The following PCDH15 variants were observed in gnomAD, a reference collection of about 807,000 sequenced individuals.
PCDH15 encodes the protein protocadherin related 15.
In PCDH15, 129 loss-of-function variants were observed where a neutral mutation model predicts 178.5. The observed-to-expected ratio is 0.72, with a 90% CI of 0.63 to 0.84. The LOEUF is 0.84. Ranked by LOEUF, PCDH15 falls within the 40% of genes least tolerant of loss-of-function variation. The pLI, the probability that PCDH15 is intolerant of heterozygous loss-of-function variation, is 0.00. For synonymous variants in PCDH15, 800 were observed against 732.0 expected (o/e 1.09, Z -1.50); for missense variants, 2,230 against 2,099.9 (o/e 1.06, Z -1.21).
chr10:53,809,089 T>C, intron 37 of PCDH15: 1 of 1,613,910 alleles, frequency 6.2e-7, no homozygotes, highest in Non-Finnish European at 8.5e-7. Flanking sequence ...TTTCCTTGCT[T>C]TTTCTCCTTC....
In PCDH15 at chr10:54,346,413, T is replaced by A; in HGVS notation, c.546A>T (p.Gly182=). 1 of 1,613,632 alleles carries A rather than the reference T, an allele frequency of 6.2e-7. No individual in the cohort carries two copies. Among genetic ancestry groups the A allele is most frequent in the Middle Eastern group, 1.7e-4 (1 of 6,060 alleles). ...TAACATACTCTATCTGTCCATTTGGTCCATCATCTATATCTGTAGCTCCAT... is the reference window on the plus strand; with the variant it reads ...TAACATACTCTATCTGTCCATTTGGACCATCATCTATATCTGTAGCTCCAT... ...GDNGATDIDD[G]PNGQIEYVIQ... The change falls in exon 6 of 38, where the codon GGA becomes GGT. Residue 182 remains glycine (G), a synonymous_variant. Coordinates refer to ENST00000644397, the MANE Select transcript of PCDH15 (RefSeq NM_001384140.1).
intron 3 of PCDH15, among the ~76,000 whole-genome samples, chr10:54,874,395 C>T (rs1430247209): frequency 6.7e-6 from 1 of 149,256 alleles, no homozygotes. Context: ...GGGTTGGTTC[C>T]AAGTCTTTGC....
chr10:54,670,874 A>AT lies in PCDH15; in HGVS notation c.-28-6585dup, dbSNP rs1354845621. Among the ~76,000 whole-genome samples the AT allele has an allele frequency of 3.9e-5, 6 of 152,230 alleles. No homozygotes were observed. The South Asian group carries it at 8.3e-4, about 21-fold the overall frequency. ...CTATTGAGCATGCACTACATTTCATATTTTTTTACCTAATATACATTTCAA... is the reference window on the plus strand; with the variant it reads ...CTATTGAGCATGCACTACATTTCATATTTTTTTTACCTAATATACATTTCAA... On this transcript the variant is annotated intron_variant, in intron 1 of 37. Transcript: ENST00000644397.
At chr10:54,837,837 C>T (rs984730856) in intron 3 of PCDH15, among the ~76,000 whole-genome samples, 4 of 152,092 alleles carry the variant, frequency 2.6e-5, no homozygotes, top group South Asian at 2.1e-4. Context: ...GAAAGCAAGT[C>T]GATACCCTGG....
At position 53,995,718 on chromosome 10, in the gene PCDH15, C is replaced by T. The variant is rs139853291; in HGVS notation, c.2799G>A (p.Gly933=). ...PPVFSKRIYK[G]MVAPDAVKGT... The stretch of plus-strand genomic sequence containing the variant: ...CCTTGACTGCATCCGGAGCCACCAT[C>T]CCTTTGTATATTCGTTTACTAAAGA... Residue 933 remains glycine (G), a synonymous_variant, in exon 21 of 38, where the codon GGG becomes GGA. Coordinates refer to ENST00000644397, the MANE Select transcript of PCDH15 (RefSeq NM_001384140.1). The T allele has an allele frequency of 1.9e-6, 3 of 1,613,752 alleles. No individual in the cohort carries two copies. Among genetic ancestry groups the T allele is most frequent in the African/African-American group, 1.3e-5 (1 of 74,918 alleles).
chr10:54,067,867 A>G (rs545390183), intron 17 of PCDH15, among the ~76,000 whole-genome samples: 14 of 152,358 alleles, frequency 9.2e-5, no homozygotes, highest in African/African-American at 3.1e-4. Context: ...AGTGATTTGT[A>G]GTGAGAGGCT....
At chr10:54,502,485 C>T (rs180831668) in intron 3 of PCDH15, among the ~76,000 whole-genome samples, 73 of 152,144 alleles carry the variant, frequency 4.8e-4, no homozygotes, top group Admixed American at 1.7e-3. Context: ...AACTTACTTA[C>T]GCATCTTTTT....
chr10:55,544,937 A>G lies in PCDH15; in HGVS notation c.-156+82688T>C, dbSNP rs78286445. ...AAGTATAAGGCAGATCTCACAGCAC[A>G]TGCATCAACAAACCTTGGAACCAGA... On this transcript the variant is annotated intron_variant, in intron 2 of 5. Transcript: ENST00000613346. 4.8e-3 allele frequency among the ~76,000 whole-genome samples: 726 copies of G among 152,280 alleles called. 6 individuals are homozygous for G. The highest frequency in any genetic ancestry group is 0.017 in the African/African-American group (690 of 41,574).
chr10:55,482,286 C>T (rs1452234531), intron 2 of PCDH15, among the ~76,000 whole-genome samples: 1 of 151,794 alleles, frequency 6.6e-6, no homozygotes, highest in African/African-American at 2.4e-5. Context: ...TCCAGATTGC[C>T]ACTCTGTGTC....
intron 21 of PCDH15, among the ~76,000 whole-genome samples, chr10:53,985,162 C>T (rs1007194802): frequency 2.0e-5 from 3 of 152,014 alleles, no homozygotes; most frequent in African/African-American, 7.3e-5. Context: ...GTGTTGTTTA[C>T]TAAGAATTGT....
At chr10:54,668,468 C>G (rs1339383216) in intron 1 of PCDH15, among the ~76,000 whole-genome samples, 1 of 152,084 alleles carries the variant, frequency 6.6e-6, no homozygotes, top group African/African-American at 2.4e-5. Flanking sequence ...TTCCGACAAC[C>G]CTGACAGCAT....
chr10:54,740,176 A>T (rs1387013309), intron 1 of PCDH15, among the ~76,000 whole-genome samples: 4 of 152,046 alleles, frequency 2.6e-5, no homozygotes, highest in Non-Finnish European at 5.9e-5. Flanking sequence ...AGGAACTCAA[A>T]TAAGACAATG....
At chr10:55,538,805 C>T (rs564004601) in intron 2 of PCDH15, among the ~76,000 whole-genome samples, 24 of 133,962 alleles carry the variant, frequency 1.8e-4, no homozygotes, top group South Asian at 2.4e-4. Context: ...TCCTCCTTTC[C>T]TTCCTTCCTT....
intron 3 of PCDH15, among the ~76,000 whole-genome samples, chr10:54,823,226 C>CGCACACGCACAT (rs1554802967): frequency 1.0e-5 from 1 of 98,798 alleles, no homozygotes; most frequent in African/African-American, 3.5e-5. Flanking sequence ...CACACACACA[C>CGCACACGCACAT]GCACACGCAC....
intron 23 of PCDH15, among the ~76,000 whole-genome samples, chr10:53,949,503 TAA>T (rs369378808): frequency 8.5e-5 from 13 of 152,168 alleles, no homozygotes; most frequent in African/African-American, 2.4e-4. Context: ...TCAAAATCTG[TAA>T]GTCCAAACTT....
intron 11 of PCDH15, among the ~76,000 whole-genome samples, chr10:54,191,265 G>A (rs2048964685): frequency 6.6e-6 from 1 of 152,186 alleles, no homozygotes; most frequent in Non-Finnish European, 1.5e-5. Context: ...CAAGTTGGAA[G>A]TATAGAATTA....
chr10:55,421,142 GC>G (rs1182057641), intron 2 of PCDH15, among the ~76,000 whole-genome samples: 2 of 151,410 alleles, frequency 1.3e-5, no homozygotes, highest in African/African-American at 2.4e-5. Flanking sequence ...ATAAGATGCT[GC>G]CAAAAAGAAG....
At chr10:54,328,634 T>C (rs1018590514) in intron 7 of PCDH15, among the ~76,000 whole-genome samples, 8 of 151,982 alleles carry the variant, frequency 5.3e-5, no homozygotes, top group Non-Finnish European at 8.8e-5. Flanking sequence ...TCTTCCCAGA[T>C]AAAAGAAGGA....
chr10:54,783,139 A>G (rs1029296277), intron 1 of PCDH15, among the ~76,000 whole-genome samples: 24 of 152,296 alleles, frequency 1.6e-4, no homozygotes, highest in African/African-American at 5.5e-4. Context: ...CCATCTCTAA[A>G]AGGAAATCTA....
Sources: allele counts gnomAD v4.1 joint callset (sites outside exome capture counted in the v4.1 genomes callset), GRCh38; gene constraint gnomAD v4.1.1; transcripts MANE v1.5; gene names NCBI Gene and HGNC (gene_info 2026-07-23, HGNC 2026-07-21).